GPR89A: variants seen among roughly 807,000 people sequenced by gnomAD.
GPR89A encodes golgi pH regulator A.
A neutral mutation model predicts 52.0 loss-of-function variants in GPR89A; 16 were observed. The observed-to-expected ratio is 0.31, with a 90% CI of 0.21 to 0.47. GPR89A has a LOEUF of 0.47. Ranked by LOEUF, GPR89A falls within the 20% of genes least tolerant of loss-of-function variation. GPR89A has a pLI of 1.00. For synonymous variants in GPR89A, 55 were observed against 150.9 expected (o/e 0.36, Z 4.66); for missense variants, 135 against 449.4 (o/e 0.30, Z 6.33).
intron 1 of GPR89A, among the ~76,000 whole-genome samples, chr1:145,614,358 TTA>T (rs1648514002): frequency 6.6e-6 from 1 of 152,056 alleles, no homozygotes; most frequent in South Asian, 2.1e-4. Flanking sequence ...CACATCCATA[TTA>T]TGTTATAATT....
chr1:145,624,710 A>G (rs1553688743), intron 5 of GPR89A, among the ~76,000 whole-genome samples: 1 of 125,940 alleles, frequency 7.9e-6, no homozygotes, highest in Non-Finnish European at 1.6e-5. Context: ...ATACCCAACT[A>G]TGCCACAATA....
intron 9 of GPR89A, 112 bp downstream of exon 9, chr1:145,646,384 T>C: frequency 1.3e-6 from 1 of 772,116 alleles, no homozygotes; most frequent in South Asian, 1.8e-5. Context: ...CCTCACAGCT[T>C]CTATATCAGC....
chr1:145,657,637 A>AT (rs1553694754), intron 10 of GPR89A, among the ~76,000 whole-genome samples: 1 of 151,912 alleles, frequency 6.6e-6, no homozygotes, highest in Non-Finnish European at 1.5e-5. Flanking sequence ...TTGCAGGAAG[A>AT]TTTTTTTAAA....
chr1:145,660,784 A>G (rs1171907711), intron 10 of GPR89A, among the ~76,000 whole-genome samples: 2 of 151,702 alleles, frequency 1.3e-5, no homozygotes, highest in East Asian at 1.9e-4. Context: ...TAGAATGGCA[A>G]TCATTAAAAA....
At position 145,623,151 on chromosome 1, in the gene GPR89A, A is replaced by G; in HGVS notation, c.304A>G (p.Ile102Val). 1.9e-6 allele frequency: 3 copies of G among 1,613,276 alleles called. No homozygotes were observed. The Middle Eastern group carries it at 5.0e-4, about 267-fold the overall frequency. The change falls in exon 4 of 14, where the codon ATC (isoleucine) becomes GTC (valine). Residue 102 changes from isoleucine (I) to valine (V), a missense_variant. Ile to Val is a conservative substitution (Grantham distance 29). This residue lies in a region of GPR89A where 15 missense variants were observed against 41.0 expected (regional missense o/e 0.37). Transcript: ENST00000313835. ...FYIGYFIVSNIRLLHKQRLLF... is the reference protein window; with the variant it reads ...FYIGYFIVSNVRLLHKQRLLF... ...CATTGGCTATTTTATTGTGAGCAAT[A>G]TCCGACTACGTAAGTATTTTACCCT...
chr1:145,622,209 T>G (rs1452695670), intron 3 of GPR89A, among the ~76,000 whole-genome samples: 1 of 150,814 alleles, frequency 6.6e-6, no homozygotes, highest in Non-Finnish European at 1.5e-5. Flanking sequence ...ATATAATATA[T>G]CCATATAATG....
intron 11 of GPR89A, 100 bp downstream of exon 11, chr1:145,663,524 T>C: frequency 1.4e-6 from 2 of 1,453,102 alleles, no homozygotes; most frequent in Non-Finnish European, 1.9e-6. Context: ...GGTACTTGCT[T>C]CTGCTTTTGT....
intron 10 of GPR89A, among the ~76,000 whole-genome samples, chr1:145,655,845 TC>T (rs1651774870): frequency 6.6e-6 from 1 of 151,926 alleles, no homozygotes; most frequent in African/African-American, 2.4e-5. Context: ...GGAATCCCCC[TC>T]CTCTGGACTG....
chr1:145,619,262 A>T (rs1489371203), intron 3 of GPR89A, among the ~76,000 whole-genome samples: 1 of 151,310 alleles, frequency 6.6e-6, no homozygotes, highest in Non-Finnish European at 1.5e-5. Context: ...TAAAAAGAAA[A>T]ACTTACTATA....
intron 5 of GPR89A, among the ~76,000 whole-genome samples, chr1:145,627,974 A>G (rs1553689238): frequency 6.7e-6 from 1 of 150,366 alleles, no homozygotes; most frequent in African/African-American, 2.5e-5. Flanking sequence ...TAGGGTGATT[A>G]TGTCATTTTC....
intron 5 of GPR89A, among the ~76,000 whole-genome samples, chr1:145,629,422 T>G (rs1356754814): frequency 2.6e-5 from 4 of 152,146 alleles, no homozygotes; most frequent in Non-Finnish European, 5.9e-5. Context: ...ATAAGGACAT[T>G]GGCAAAGGAG....
intron 10 of GPR89A, among the ~76,000 whole-genome samples, chr1:145,647,782 G>T (rs1651108189): frequency 8.5e-6 from 1 of 117,184 alleles, no homozygotes; most frequent in Admixed American, 9.1e-5. Context: ...TCCAGCCTGG[G>T]GAGAGGGCGA....
intron 3 of GPR89A, among the ~76,000 whole-genome samples, chr1:145,622,039 T>C (rs1373216837): frequency 6.6e-6 from 1 of 151,374 alleles, no homozygotes; most frequent in South Asian, 2.1e-4. Context: ...AGATTAAATA[T>C]AGATTTATCA....
intron 12 of GPR89A, among the ~76,000 whole-genome samples, chr1:145,668,275 G>T (rs1396220825): frequency 6.6e-6 from 1 of 152,148 alleles, no homozygotes; most frequent in South Asian, 2.1e-4. Flanking sequence ...TCTCCTTGAA[G>T]AGGTCCTTCA....
At chr1:145,619,196 A>C (rs1553687588) in intron 3 of GPR89A, among the ~76,000 whole-genome samples, 32 of 151,982 alleles carry the variant, frequency 2.1e-4, no homozygotes, top group Non-Finnish European at 2.9e-5. Context: ...TGAGACTTGT[A>C]GAGAGACTAT....
At chr1:145,637,486 G>A (rs1650327980) in intron 7 of GPR89A, among the ~76,000 whole-genome samples, 1 of 152,236 alleles carries the variant, frequency 6.6e-6, no homozygotes, top group African/African-American at 2.4e-5. Context: ...TAAATTAACT[G>A]CTTACTAGTA....
At chr1:145,645,771 T>G (rs1416060598) in intron 8 of GPR89A, 4 of 440,974 alleles carry the variant, frequency 9.1e-6, no homozygotes, top group African/African-American at 4.1e-5. Context: ...TAGCCTATAT[T>G]AGAACACAGT....
intron 12 of GPR89A, among the ~76,000 whole-genome samples, chr1:145,666,782 C>A (rs1271681593): frequency 6.7e-6 from 1 of 149,308 alleles, no homozygotes; most frequent in Non-Finnish European, 1.5e-5. Context: ...CAGTTCCCAC[C>A]TATGAGTGAG....
chr1:145,650,380 T>C (rs587748069), intron 10 of GPR89A, among the ~76,000 whole-genome samples: 5 of 152,042 alleles, frequency 3.3e-5, no homozygotes, highest in African/African-American at 1.2e-4. Context: ...TTATCCGGTC[T>C]ATCATTGATG....
Sources: allele counts gnomAD v4.1 joint callset (sites outside exome capture counted in the v4.1 genomes callset), GRCh38; gene constraint gnomAD v4.1.1; regional missense constraint gnomAD v4.1.1; transcripts MANE v1.5; gene names NCBI Gene and HGNC (gene_info 2026-07-23, HGNC 2026-07-21).